The following LGR6 variants were observed in gnomAD, a reference collection of about 807,000 sequenced individuals.
LGR6 encodes leucine-rich repeat-containing G protein-coupled receptor 6.
LGR6 carries 45 observed loss-of-function variants against 69.4 expected under a neutral mutation model. The ratio of observed to expected loss-of-function variants is 0.65; its 90% CI spans 0.51 to 0.83. The LOEUF (loss-of-function observed/expected upper bound fraction) is 0.83. LGR6 is among the 40% of genes least tolerant of loss of function. The probability of loss-of-function intolerance (pLI) is 0.00; values close to 1 mark genes in which losing one functional copy is unlikely to be tolerated. For missense variants in LGR6, 1,108 were observed against 1,246.7 expected, an observed-to-expected ratio of 0.89 and a Z score of 1.68; for synonymous variants, 538 against 555.0, an observed-to-expected ratio of 0.97 and a Z score of 0.43.
At chr1:202,317,723 G>A (rs1251309685) in intron 17 of LGR6, among the ~76,000 whole-genome samples, 3 of 152,182 alleles carry the variant, frequency 2.0e-5, no homozygotes, top group African/African-American at 7.2e-5. Context: ...AAGAAGAGTC[G>A]TGTATGTCCC....
At chr1:202,270,328 C>T (rs746142286) in intron 4 of LGR6, among the ~76,000 whole-genome samples, 11 of 152,068 alleles carry the variant, frequency 7.2e-5, no homozygotes, top group African/African-American at 1.2e-4. Context: ...CTGCAACCTC[C>T]GCAACCAGGG....
intron 11 of LGR6, 91 bp from the exon 12 acceptor site, chr1:202,305,593 A>G: frequency 9.1e-7 from 1 of 1,099,178 alleles, no homozygotes; most frequent in Admixed American, 1.7e-5. Flanking sequence ...AATTGACAGG[A>G]AAGCACAGTC....
intron 3 of LGR6, among the ~76,000 whole-genome samples, chr1:202,231,746 A>G (rs145220547): frequency 2.1e-4 from 32 of 152,382 alleles, no homozygotes; most frequent in African/African-American, 7.5e-4. Flanking sequence ...TTACGACATC[A>G]GCACATTACC....
chr1:202,263,186 G>A (rs974870342), intron 4 of LGR6, among the ~76,000 whole-genome samples: 6 of 151,946 alleles, frequency 3.9e-5, no homozygotes, highest in African/African-American at 7.3e-5. Flanking sequence ...GCAGTTGTAC[G>A]ATCTTGGCGC....
intron 1 of LGR6, among the ~76,000 whole-genome samples, chr1:202,207,641 C>G (rs1659302645): frequency 6.6e-6 from 1 of 152,140 alleles, no homozygotes; most frequent in Admixed American, 6.5e-5. Context: ...GTGCACAAAC[C>G]CCAGAGCCAC....
chr1:202,264,059 A>T (rs1033930089), intron 4 of LGR6, among the ~76,000 whole-genome samples: 1 of 151,892 alleles, frequency 6.6e-6, no homozygotes, highest in Non-Finnish European at 1.5e-5. Context: ...GGATGGAGGG[A>T]TGTGGGGCCA....
chr1:202,307,287 C>T (rs772343842), intron 13 of LGR6, 43 bp from the exon 14 acceptor site: 5 of 1,572,664 alleles, frequency 3.2e-6, no homozygotes, highest in Non-Finnish European at 8.8e-7. Flanking sequence ...GTGAGTCCTC[C>T]ACATGTTACT....
At chr1:202,308,023 G>GACTCCTAAAAGC (rs1329556958) in intron 14 of LGR6, among the ~76,000 whole-genome samples, 1 of 152,178 alleles carries the variant, frequency 6.6e-6, no homozygotes. Context: ...TGCCAAGCTG[G>GACTCCTAAAAGC]ACTCCTAAAA....
In LGR6 at chr1:202,194,504, C is replaced by G. The variant is rs756118941; in HGVS notation, c.212+303C>G. On this transcript the variant is annotated intron_variant, in intron 1 of 17. Coordinates refer to ENST00000367278, the MANE Select transcript of LGR6 (RefSeq NM_001017403.2). ...GTTCTGGACCCTGAGCGGGAGGGCGCGGGGCTGGCTGCTCCATCTCCTGTT... is the reference window on the plus strand; with the variant it reads ...GTTCTGGACCCTGAGCGGGAGGGCGGGGGGCTGGCTGCTCCATCTCCTGTT... 4 of 656,564 alleles carry G rather than the reference C, an allele frequency of 6.1e-6. No homozygotes were observed. In the East Asian group the frequency reaches 1.3e-4, roughly 21 times the overall value. 40.7% of individuals were successfully genotyped at this position (656,564 alleles called of 1,614,324 possible). A position where few individuals can be genotyped will look rare whatever the true frequency, so the allele number is the denominator to read the frequency against.
chr1:202,207,650 AC>A (rs1363186123), intron 1 of LGR6, among the ~76,000 whole-genome samples: 1 of 151,948 alleles, frequency 6.6e-6, no homozygotes, highest in African/African-American at 2.4e-5. Context: ...CCCCAGAGCC[AC>A]TCCACCTAAG....
intron 1 of LGR6, among the ~76,000 whole-genome samples, chr1:202,213,234 C>T (rs912850766): frequency 1.1e-4 from 16 of 152,190 alleles, no homozygotes; most frequent in Admixed American, 9.8e-4. Flanking sequence ...CAACACTTCC[C>T]CATGTCCTCT....
chr1:202,201,071 C>T (rs1279354339), intron 1 of LGR6, among the ~76,000 whole-genome samples: 2 of 152,216 alleles, frequency 1.3e-5, no homozygotes, highest in Non-Finnish European at 2.9e-5. Flanking sequence ...TTCAATTCTC[C>T]CCATCCCTGG....
intron 14 of LGR6, among the ~76,000 whole-genome samples, chr1:202,308,612 C>T (rs559441842): frequency 6.6e-6 from 1 of 152,298 alleles, no homozygotes; most frequent in South Asian, 2.1e-4. Flanking sequence ...AGACTCAGCC[C>T]TCTTATATCA....
intron 1 of LGR6, chr1:202,214,099 C>T: frequency 7.1e-7 from 1 of 1,411,848 alleles, no homozygotes; most frequent in African/African-American, 1.5e-5. Context: ...AGGATCAGCG[C>T]GGAGGGTGGC....
In LGR6 at chr1:202,234,786, C is replaced by T. The variant is rs373671599; in HGVS notation, c.357-1136C>T. ...AACTAAAGGACCAGAAATTGGGCTA[C>T]TCTTCCTGAAGCGTGGAATTACCTT... On this transcript the variant is annotated intron_variant, in intron 3 of 17. Coordinates refer to ENST00000367278, the MANE Select transcript of LGR6 (RefSeq NM_001017403.2). Among the ~76,000 whole-genome samples the T allele has an allele frequency of 8.5e-5, 13 of 152,308 alleles. No homozygotes were observed. In the East Asian group the frequency reaches 1.9e-3, roughly 23 times the overall value.
chr1:202,240,712 A>G (rs1662118142), intron 4 of LGR6, among the ~76,000 whole-genome samples: 1 of 152,190 alleles, frequency 6.6e-6, no homozygotes. Flanking sequence ...TATCTTATTC[A>G]GGTCCTTCTG....
intron 6 of LGR6, among the ~76,000 whole-genome samples, chr1:202,290,208 G>C (rs1418316526): frequency 6.6e-6 from 1 of 152,194 alleles, no homozygotes; most frequent in East Asian, 1.9e-4. Context: ...CCATTTACAG[G>C]TGAAGAAATG....
intron 4 of LGR6, among the ~76,000 whole-genome samples, chr1:202,254,538 C>T (rs1663592515): frequency 6.6e-6 from 1 of 152,252 alleles, no homozygotes; most frequent in African/African-American, 2.4e-5. Context: ...ATTATGTTTG[C>T]ATTCTGCAGA....
At chr1:202,238,213 A>T (rs1228264787) in intron 4 of LGR6, among the ~76,000 whole-genome samples, 1 of 149,724 alleles carries the variant, frequency 6.7e-6, no homozygotes, top group Non-Finnish European at 1.5e-5. Context: ...CCCTCACCTT[A>T]GCCTCCTGAG....
Sources: gnomAD v4.1 joint callset for allele counts (sites outside exome capture counted in the v4.1 genomes callset) on GRCh38, gnomAD v4.1.1 for gene constraint, MANE v1.5 for transcripts, NCBI Gene and HGNC (gene_info 2026-07-23, HGNC 2026-07-21) for gene names.